Variants in ADORA3 observed in about 807,000 individuals in gnomAD.
ADORA3 encodes the protein adenosine receptor A3.
ADORA3 carries 3 observed loss-of-function variants against 5.7 expected under a neutral mutation model. The observed-to-expected ratio is 0.52, with a 90% confidence interval of 0.24 to 1.35. The LOEUF (loss-of-function observed/expected upper bound fraction) is 1.35, where lower values mean the gene tolerates loss of function less well. Ranked by LOEUF, ADORA3 falls within the 40% of genes most tolerant of loss-of-function variation. ADORA3 has a pLI of 0.17. For missense variants in ADORA3, 343 were observed against 389.0 expected (o/e 0.88, Z 0.99); for synonymous variants, 168 against 152.3 (o/e 1.10, Z -0.76).
intron 1 of ADORA3, 172 bp from the exon 2 acceptor site, chr1:111,500,728 C>T: frequency 1.5e-6 from 1 of 651,374 alleles, no homozygotes; most frequent in Non-Finnish European, 2.6e-6. Context: ...TCCAGCTAAA[C>T]TCCACTGGAT....
chr1:111,503,195 G>A lies in ADORA3; in HGVS notation c.160C>T (p.Leu54=). Residue 54 remains leucine, a synonymous_variant, in exon 1 of 2, where the codon CTA becomes TTA. Coordinates refer to ENST00000241356, the MANE Select transcript of ADORA3 (RefSeq NM_000677.4). ...CCAACAGCAATGTCAGCCAGGGCTA[G>A]AGAGACAATGAAATAGAAGGTGGTG... ...QTTTFYFIVS[L]ALADIAVGVL... is the part of the protein sequence containing the mutation. 1 of 1,614,264 alleles carries A rather than the reference G, an allele frequency of 6.2e-7. No individual in the cohort carries two copies. The highest frequency in any genetic ancestry group is 1.1e-5 in the South Asian group (1 of 91,090).
rs1655362701 is a variant in ADORA3 at position 111,503,496 on chromosome 1, T to C, written c.-142A>G. The C allele has an allele frequency of 6.9e-7, 1 of 1,444,536 alleles. No homozygotes were observed. Among genetic ancestry groups the C allele is most frequent in the Non-Finnish European group, 9.1e-7 (1 of 1,099,906 alleles). The allele number at this position is 1,444,536 out of a possible 1,614,324, so 89.5% of individuals were successfully genotyped here. On this transcript the variant is annotated 5_prime_UTR_variant, in exon 1 of 2. Coordinates refer to ENST00000241356, the MANE Select transcript of ADORA3 (RefSeq NM_000677.4). ...CTAAAATTCCCAACTTGCTCATTCC[T>C]ACCCTTTTCTGGTGGGGTGATCTCT... is the stretch of plus-strand genomic sequence containing the variant.
In ADORA3 at chr1:111,500,139, A is replaced by G. The variant is rs1655090331; in HGVS notation, c.768T>C (p.Asn256=). The G allele has an allele frequency of 6.2e-7, 1 of 1,614,192 alleles. No homozygotes were observed. ...LSIINCIIYF[N]GEVPQLVLYM... The stretch of plus-strand genomic sequence containing the variant: ...ACAGCACAAGCTGTGGTACCTCACC[A>G]TTAAAGTAGATGATGCAGTTGATGA... Residue 256 remains asparagine, a synonymous_variant, in exon 2 of 2, where the codon AAT becomes AAC. Transcript: ENST00000241356.
At position 111,500,264 on chromosome 1, in the gene ADORA3, A is replaced by G. The variant is rs1386593594; in HGVS notation, c.643T>C (p.Ser215Pro). ...CCATAAAATGCACCTGTCTCTTTGG[A>G]GTTAGATAAGTTCAGACTGAGTTTG... ...RNKLSLNLSN[S>P]KETGAFYGRE... Residue 215 changes from serine to proline, a missense_variant, in exon 2 of 2, where the codon TCC becomes CCC. Physicochemically the swap from Ser to Pro is moderately conservative, Grantham distance 74. Transcript: ENST00000241356. The G allele has an allele frequency of 6.2e-7, 1 of 1,614,186 alleles. No homozygotes were observed. Among genetic ancestry groups the G allele is most frequent in the South Asian group, 1.1e-5 (1 of 91,090 alleles).
Position 111,503,320 on chromosome 1 carries a change from T to A in ADORA3, c.35A>T (p.Asn12Ile). The A allele has an allele frequency of 6.2e-7, 1 of 1,613,984 alleles. No individual in the cohort carries two copies. The highest frequency in any genetic ancestry group is 1.1e-5 in the South Asian group (1 of 91,014). The change falls in exon 1 of 2, where the codon AAT (asparagine) becomes ATT (isoleucine). Residue 12 changes from asparagine to isoleucine, a missense_variant. Transcript: ENST00000241356. ...AATTTCCATGGTGATGTAGGTAACA[T>A]TGGCCAATGACAGAGCAGTGCTGTT... The part of the protein sequence containing the change: ...PNNSTALSLA[N>I]VTYITMEIFI...
chr1:111,500,195 A>G lies in ADORA3; in HGVS notation c.712T>C (p.Leu238=), dbSNP rs200903739. 1.9e-5 allele frequency: 31 copies of G among 1,614,194 alleles called. No homozygotes were observed. In the African/African-American group the frequency reaches 3.3e-4, roughly 17 times the overall value. ...AAAGGCAGCCATGACAGAGCAAACA[A>G]GAAAAGAACCAGAAACAAGGACTTA... ...TAKSLFLVLF[L]FALSWLPLSI... is the part of the protein sequence containing the mutation. Residue 238 remains leucine (L), a synonymous_variant, in exon 2 of 2, where the codon TTG becomes CTG. Transcript: ENST00000241356.
intron 1 of ADORA3, among the ~76,000 whole-genome samples, chr1:111,501,913 T>C (rs540457470): frequency 6.1e-4 from 93 of 151,308 alleles, no homozygotes; most frequent in African/African-American, 2.1e-3. Context: ...ATTTGGCAGT[T>C]CGTTCTATTC....
Position 111,500,132 on chromosome 1 carries a change from C to A in ADORA3, c.775G>T (p.Val259Leu). The A allele has an allele frequency of 6.2e-7, 1 of 1,614,084 alleles. No individual in the cohort carries two copies. Among genetic ancestry groups the A allele is most frequent in the Non-Finnish European group, 8.5e-7 (1 of 1,179,996 alleles). The change falls in exon 2 of 2, where the codon GTA becomes TTA. Residue 259 changes from valine to leucine, a missense_variant. Val to Leu is a conservative substitution (Grantham distance 32). Transcript: ENST00000241356. Reference protein sequence around the residue: ...INCIIYFNGEVPQLVLYMGIL... With the variant: ...INCIIYFNGELPQLVLYMGIL... ...CCCATGTACAGCACAAGCTGTGGTA[C>A]CTCACCATTAAAGTAGATGATGCAG...
chr1:111,502,275 TTC>T (rs1177825866), intron 1 of ADORA3, among the ~76,000 whole-genome samples: 2 of 69,988 alleles, frequency 2.9e-5, no homozygotes, highest in South Asian at 4.2e-4. Context: ...AGGATATATA[TTC>T]ATTATAATAA....
In ADORA3 at chr1:111,503,422, G is replaced by T; in HGVS notation, c.-68C>A. On this transcript the variant is annotated 5_prime_UTR_variant, in exon 1 of 2. Coordinates refer to ENST00000241356, the MANE Select transcript of ADORA3 (RefSeq NM_000677.4). ...CAAGATCCGTCTGTAGGGCCAGTGGGCCTAGCTCTCGCCAGACGTCTTCCC... is the reference window on the plus strand; with the variant it reads ...CAAGATCCGTCTGTAGGGCCAGTGGTCCTAGCTCTCGCCAGACGTCTTCCC... 6.6e-7 allele frequency: 1 copy of T among 1,523,264 alleles called. No homozygotes were observed. The highest frequency in any genetic ancestry group is 8.8e-7 in the Non-Finnish European group (1 of 1,130,178). The allele number at this position is 1,523,264 out of a possible 1,614,324, so 94.4% of individuals were successfully genotyped here.
intron 1 of ADORA3, among the ~76,000 whole-genome samples, chr1:111,501,579 A>G (rs1655178279): frequency 6.6e-6 from 1 of 152,238 alleles, no homozygotes; most frequent in Non-Finnish European, 1.5e-5. Context: ...TCATTTTATG[A>G]GGATAGTGCA....
Position 111,499,729 on chromosome 1 carries a change from C to T in ADORA3, c.*221G>A. Reference sequence around the variant, plus strand: ...ATAATACGTTGTCCCCAAGTCAGGCCTCCAAAACACTGAATTAGAGAGAAA... The same window carrying T: ...ATAATACGTTGTCCCCAAGTCAGGCTTCCAAAACACTGAATTAGAGAGAAA... On this transcript the variant is annotated 3_prime_UTR_variant, in exon 2 of 2. Coordinates refer to ENST00000241356, the MANE Select transcript of ADORA3 (RefSeq NM_000677.4). 1.5e-6 allele frequency: 2 copies of T among 1,375,822 alleles called. No homozygotes were observed. Among genetic ancestry groups the T allele is most frequent in the Non-Finnish European group, 1.9e-6 (2 of 1,063,664 alleles). 85.2% of individuals were successfully genotyped at this position (1,375,822 alleles called of 1,614,324 possible).
rs976066388 is a variant in ADORA3, at chr1:111,503,625, A to C, written c.-271T>G. On this transcript the variant is annotated 5_prime_UTR_variant, in exon 1 of 2. Transcript: ENST00000241356. ...TTCCAGAATGCTGTAGGACAGCTCT[A>C]TATGGACTGAATCTGAAAGTGCTGC... 2 of 1,226,086 alleles carry C rather than the reference A, an allele frequency of 1.6e-6. No homozygotes were observed. Among genetic ancestry groups the C allele is most frequent in the East Asian group, 3.9e-5 (1 of 25,910 alleles). 76.0% of individuals were successfully genotyped at this position (1,226,086 alleles called of 1,614,324 possible).
rs781238497 is a variant in ADORA3 at position 111,503,403 on chromosome 1, C to T, written c.-49G>A. On this transcript the variant is annotated 5_prime_UTR_variant, in exon 1 of 2. Transcript: ENST00000241356. ...ACAGGGACAGGTGAGCCAGCAAGATCCGTCTGTAGGGCCAGTGGGCCTAGC... is the reference window on the plus strand; with the variant it reads ...ACAGGGACAGGTGAGCCAGCAAGATTCGTCTGTAGGGCCAGTGGGCCTAGC... 3 of 1,552,904 alleles carry T rather than the reference C, an allele frequency of 1.9e-6. No individual in the cohort carries two copies. The African/African-American group carries it at 4.1e-5, about 21-fold the overall frequency.
At chr1:111,502,502 A>C (rs1247807917) in intron 1 of ADORA3, among the ~76,000 whole-genome samples, 4 of 144,626 alleles carry the variant, frequency 2.8e-5, no homozygotes, top group Middle Eastern at 3.4e-3. Context: ...ATTGGAATAT[A>C]TATATATTCC....
intron 1 of ADORA3, chr1:111,501,454 A>C (rs1183043910): frequency 6.6e-6 from 1 of 152,226 alleles, no homozygotes; most frequent in East Asian, 1.9e-4. Context: ...ATTTTATTAT[A>C]ACCTCAATTT....
intron 1 of ADORA3, 26 bp downstream of exon 1, chr1:111,502,979 G>A (rs780614043): frequency 3.0e-5 from 48 of 1,606,392 alleles, no homozygotes; most frequent in Non-Finnish European, 4.0e-5. Flanking sequence ...TGCCTCAATT[G>A]CTGCCCACCC....
chr1:111,499,920 C>G lies in ADORA3; in HGVS notation c.*30G>C, dbSNP rs1655073392. ...GTTTGTTGATGGGGAATCTGAAGGT[C>G]AATGAGACAGAGTCATCTCTGATGG... On this transcript the variant is annotated 3_prime_UTR_variant, in exon 2 of 2. Transcript: ENST00000241356. 5 of 1,604,714 alleles carry G rather than the reference C, an allele frequency of 3.1e-6. No individual in the cohort carries two copies. The highest frequency in any genetic ancestry group is 4.3e-6 in the Non-Finnish European group (5 of 1,174,464).
chr1:111,501,297 C>T (rs150046987), intron 1 of ADORA3: 3 of 152,322 alleles, frequency 2.0e-5, no homozygotes, highest in African/African-American at 7.2e-5. Flanking sequence ...GTTTCAGAGA[C>T]CTTAAAGGAC....
Sources: gnomAD v4.1 joint callset for allele counts (sites outside exome capture counted in the v4.1 genomes callset) on GRCh38, gnomAD v4.1.1 for gene constraint, MANE v1.5 for transcripts, NCBI Gene and HGNC (gene_info 2026-07-23, HGNC 2026-07-21) for gene names.